Variants in NAV2 observed in about 807,000 individuals in gnomAD.
NAV2 encodes the protein neuron navigator 2, also known as helicase, APC down-regulated 1.
Under a neutral mutation model 223.2 loss-of-function variants are expected in NAV2, and 54 were observed. That is an observed-to-expected ratio of 0.24 (90% CI 0.19 to 0.30). The LOEUF is 0.30. Ranked by LOEUF, NAV2 falls within the 10% of genes least tolerant of loss-of-function variation. NAV2 has a pLI of 1.00. For synonymous variants in NAV2, 1,279 were observed against 1,239.3 expected (o/e 1.03, Z -0.67); for missense variants, 2,806 against 3,147.5 (o/e 0.89, Z 2.60).
At chr11:19,978,124 A>C (rs1459149113) in intron 10 of NAV2, among the ~76,000 whole-genome samples, 1 of 150,444 alleles carries the variant, frequency 6.6e-6, no homozygotes, top group Non-Finnish European at 1.5e-5. Context: ...CACACCCAGC[A>C]AGGTCAGTTT....
chr11:20,007,975 T>C (rs2053227288), intron 11 of NAV2, among the ~76,000 whole-genome samples: 1 of 152,240 alleles, frequency 6.6e-6, no homozygotes, highest in African/African-American at 2.4e-5. Flanking sequence ...ACTTTACCCC[T>C]TGTAGAAATC....
intron 11 of NAV2, among the ~76,000 whole-genome samples, chr11:19,985,219 T>C (rs1190400835): frequency 6.6e-6 from 1 of 152,194 alleles, no homozygotes; most frequent in Non-Finnish European, 1.5e-5. Flanking sequence ...TTGTGTGGCT[T>C]TAGAGAAATA....
Position 20,118,210 on chromosome 11 carries a change from C to A in NAV2, c.7242C>A (p.Asn2414Lys). 6.2e-7 allele frequency: 1 copy of A among 1,614,108 alleles called. No individual in the cohort carries two copies. The highest frequency in any genetic ancestry group is 8.5e-7 in the Non-Finnish European group (1 of 1,179,974). The change falls in exon 38 of 38, where the codon AAC (asparagine) becomes AAA (lysine). Residue 2414 changes from asparagine (N) to lysine (K), a missense_variant. Around this residue, in one of 4 missense-constraint regions of NAV2, gnomAD observed 824 missense variants for 1,069.4 expected, o/e 0.77. Transcript: ENST00000349880. ...PQSYDSDSNS[N>K]SHHDDILDSS... The stretch of plus-strand genomic sequence containing the variant: ...GCTATGACAGCGACTCCAACAGCAA[C>A]AGCCATCACGATGACATCTTGGACT...
At chr11:19,777,938 C>T (rs1357351582) in intron 1 of NAV2, 1 of 455,808 alleles carries the variant, frequency 2.2e-6, no homozygotes, top group African/African-American at 2.0e-5. Flanking sequence ...GGCTATTGAT[C>T]TCTACTGCGG....
intron 1 of NAV2, among the ~76,000 whole-genome samples, chr11:19,464,893 T>C (rs1026397369): frequency 6.6e-6 from 1 of 152,222 alleles, no homozygotes; most frequent in Non-Finnish European, 1.5e-5. Context: ...ATAACTTTCA[T>C]GGCCAATGCA....
intron 1 of NAV2, among the ~76,000 whole-genome samples, chr11:19,378,019 G>A (rs913313941): frequency 6.6e-6 from 1 of 152,146 alleles, no homozygotes; most frequent in Admixed American, 6.5e-5. Flanking sequence ...GAAGATCAGA[G>A]GAGACAGCAT....
At chr11:19,672,671 C>T (rs2048603683) in intron 1 of NAV2, among the ~76,000 whole-genome samples, 1 of 152,078 alleles carries the variant, frequency 6.6e-6, no homozygotes, top group Non-Finnish European at 1.5e-5. Context: ...GAACCAGCAG[C>T]AGAGAGAGGA....
At chr11:19,843,640 CA>C (rs369951059) in intron 3 of NAV2, among the ~76,000 whole-genome samples, 6 of 147,052 alleles carry the variant, frequency 4.1e-5, no homozygotes, top group African/African-American at 7.5e-5. Flanking sequence ...TGAATATTTA[CA>C]AAAAAAAGTA....
chr11:19,836,922 T>G lies in NAV2; in HGVS notation c.385+4321T>G, dbSNP rs149145982. ...TGGTGGAAGGCGTGATCCAGCTCTC[T>G]TGGGCCTGTTTTATAAGGAAACTAA... is the stretch of plus-strand genomic sequence containing the variant. On this transcript the variant is annotated intron_variant, in intron 2 of 37. Transcript: ENST00000349880. 9.0e-3 allele frequency among the ~76,000 whole-genome samples: 1,371 copies of G among 152,324 alleles called. 7 individuals are homozygous for G. The highest frequency in any genetic ancestry group is 0.013 in the Non-Finnish European group (906 of 68,026).
chr11:19,844,328 A>T (rs1280241048), intron 3 of NAV2, among the ~76,000 whole-genome samples: 1 of 152,182 alleles, frequency 6.6e-6, no homozygotes, highest in African/African-American at 2.4e-5. Flanking sequence ...AGGCCATTAT[A>T]ATGTGTGTGT....
intron 1 of NAV2, among the ~76,000 whole-genome samples, chr11:19,371,730 TCAACTATG>T (rs1437062675): frequency 1.3e-5 from 2 of 151,352 alleles, no homozygotes; most frequent in Non-Finnish European, 2.9e-5. Context: ...CATCTTGGAA[TCAACTATG>T]CAACTATGCC....
chr11:20,117,115 A>G (rs1446282919), intron 37 of NAV2, among the ~76,000 whole-genome samples: 1 of 152,200 alleles, frequency 6.6e-6, no homozygotes, highest in Non-Finnish European at 1.5e-5. Flanking sequence ...GCTGCACCAC[A>G]TCTTGGCCCT....
chr11:19,401,769 A>C (rs1344290055), intron 1 of NAV2: 1 of 152,346 alleles, frequency 6.6e-6, no homozygotes, highest in Admixed American at 6.5e-5. Context: ...TATTTCATGG[A>C]ACACTAAATT....
chr11:19,638,031 A>G (rs919299669), intron 1 of NAV2, among the ~76,000 whole-genome samples: 7 of 152,234 alleles, frequency 4.6e-5, no homozygotes, highest in African/African-American at 1.7e-4. Context: ...ACTCAGGGTA[A>G]CCTTAGGAGG....
chr11:19,448,172 C>G (rs1244574923), intron 1 of NAV2, among the ~76,000 whole-genome samples: 2 of 152,144 alleles, frequency 1.3e-5, no homozygotes, highest in Non-Finnish European at 2.9e-5. Flanking sequence ...TCACACTCCC[C>G]CTGAATTCTT....
chr11:19,763,618 G>A (rs1001065855), intron 1 of NAV2, among the ~76,000 whole-genome samples: 1 of 152,118 alleles, frequency 6.6e-6, no homozygotes, highest in Non-Finnish European at 1.5e-5. Flanking sequence ...GTTTTATGCT[G>A]TGCCTGGAAA....
intron 1 of NAV2, among the ~76,000 whole-genome samples, chr11:19,651,004 T>C (rs1280528844): frequency 1.3e-5 from 2 of 152,174 alleles, no homozygotes; most frequent in Non-Finnish European, 2.9e-5. Flanking sequence ...AAAATGAGTG[T>C]TTTATTCTAT....
In NAV2 at chr11:20,049,018, G is replaced by A; in HGVS notation, c.4193G>A (p.Gly1398Asp). 1 of 1,614,124 alleles carries A rather than the reference G, an allele frequency of 6.2e-7. No homozygotes were observed. The highest frequency in any genetic ancestry group is 8.5e-7 in the Non-Finnish European group (1 of 1,180,036). The stretch of plus-strand genomic sequence containing the variant: ...AGCTCCTCCGCAGTTAGCAAGGATG[G>A]CCTGGGCTTTCAGTCTGTCAGCAGC... ...ASSSSAVSKD[G>D]LGFQSVSSLH... Residue 1398 changes from glycine (G) to aspartate (D), a missense_variant, in exon 15 of 38, where the codon GGC (glycine) becomes GAC (aspartate). Physicochemically the swap from Gly to Asp is moderately conservative, Grantham distance 94. Around this residue, in one of 4 missense-constraint regions of NAV2, gnomAD observed 742 missense variants for 777.9 expected, o/e 0.95. Coordinates refer to ENST00000349880, the MANE Select transcript of NAV2 (RefSeq NM_145117.5).
At chr11:19,507,113 A>G (rs2043145629) in intron 1 of NAV2, 1 of 152,230 alleles carries the variant, frequency 6.6e-6, no homozygotes, top group Non-Finnish European at 1.5e-5. Context: ...CATCCAAGGA[A>G]GGAAAGGGAT....
Sources: allele counts gnomAD v4.1 joint callset (sites outside exome capture counted in the v4.1 genomes callset), GRCh38; gene constraint gnomAD v4.1.1; regional missense constraint gnomAD v4.1.1; transcripts MANE v1.5; gene names NCBI Gene and HGNC (gene_info 2026-07-23, HGNC 2026-07-21).